Variants in SLC24A2 observed in about 807,000 individuals in gnomAD.
SLC24A2 encodes solute carrier family 24 member 2.
SLC24A2 carries 36 observed loss-of-function variants against 62.0 expected under a neutral mutation model. The ratio of observed to expected loss-of-function variants is 0.58; its 90% confidence interval spans 0.44 to 0.77. The LOEUF (loss-of-function observed/expected upper bound fraction) is 0.77, where lower values mean the gene tolerates loss of function less well. Ranked by LOEUF, SLC24A2 falls within the 30% of genes least tolerant of loss-of-function variation. The pLI, the probability that SLC24A2 is intolerant of heterozygous loss-of-function variation, is 0.00. For synonymous variants in SLC24A2, 358 were observed against 294.0 expected (o/e 1.22, Z -2.23); for missense variants, 846 against 817.9 (o/e 1.03, Z -0.42).
At chr9:19,872,874 T>C in the SLC24A2 span, among the ~76,000 whole-genome samples, 1 of 152,126 alleles carries the variant, frequency 6.6e-6, no homozygotes, top group East Asian at 1.9e-4. Flanking sequence ...AGAATCAAGT[T>C]TCCAGAGCCC....
At chr9:19,989,705 C>T in the SLC24A2 span, among the ~76,000 whole-genome samples, 1 of 152,118 alleles carries the variant, frequency 6.6e-6, no homozygotes, top group African/African-American at 2.4e-5. Flanking sequence ...TGCAAAGGAA[C>T]CTAGACAACT....
intron 2 of SLC24A2, among the ~76,000 whole-genome samples, chr9:19,696,861 A>C (rs1820207741): frequency 6.6e-6 from 1 of 152,194 alleles, no homozygotes; most frequent in Non-Finnish European, 1.5e-5. Context: ...ATTTAAATTT[A>C]ACCGTAATGG....
the SLC24A2 span, among the ~76,000 whole-genome samples, chr9:20,306,977 T>G: frequency 6.6e-6 from 1 of 152,124 alleles, no homozygotes; most frequent in Non-Finnish European, 1.5e-5. Context: ...GGATTACAGA[T>G]CTTAATGTTA....
chr9:20,010,762 C>T, the SLC24A2 span, among the ~76,000 whole-genome samples: 1 of 123,726 alleles, frequency 8.1e-6, no homozygotes, highest in East Asian at 2.9e-4. Context: ...CTCCCCCCTC[C>T]CCCCACCCCA....
chr9:20,036,868 G>C, the SLC24A2 span, among the ~76,000 whole-genome samples: 1 of 150,700 alleles, frequency 6.6e-6, no homozygotes, highest in Non-Finnish European at 1.5e-5. Flanking sequence ...ATATACATAT[G>C]TATATATGTG....
At chr9:19,618,503 C>A (rs574069323) in intron 4 of SLC24A2, among the ~76,000 whole-genome samples, 2 of 152,244 alleles carry the variant, frequency 1.3e-5, no homozygotes, top group East Asian at 3.9e-4. Flanking sequence ...CAAGGAGAGG[C>A]GACCCTGTGT....
the SLC24A2 span, among the ~76,000 whole-genome samples, chr9:20,077,223 T>C: frequency 9.2e-5 from 14 of 152,058 alleles, no homozygotes; most frequent in Admixed American, 1.3e-4. Context: ...AGATCTAATA[T>C]AGAACACACA....
chr9:19,617,374 C>T (rs1390464644), intron 4 of SLC24A2, among the ~76,000 whole-genome samples: 1 of 152,166 alleles, frequency 6.6e-6, no homozygotes, highest in Non-Finnish European at 1.5e-5. Context: ...ACGTCCCACC[C>T]TCCAACTGCC....
At chr9:20,267,615 T>C in the SLC24A2 span, among the ~76,000 whole-genome samples, 42 of 152,340 alleles carry the variant, frequency 2.8e-4, no homozygotes, top group African/African-American at 1.0e-3. Flanking sequence ...TGGGCTCTGA[T>C]AACACTTTTT....
At chr9:20,186,206 T>C in the SLC24A2 span, among the ~76,000 whole-genome samples, 1 of 152,166 alleles carries the variant, frequency 6.6e-6, no homozygotes, top group African/African-American at 2.4e-5. Flanking sequence ...TCTTGAAAAT[T>C]TGATGTCCAC....
intron 9 of SLC24A2, among the ~76,000 whole-genome samples, chr9:19,524,093 TAGAA>T (rs1364247012): frequency 1.1e-5 from 1 of 93,408 alleles, no homozygotes; most frequent in South Asian, 3.2e-4. Flanking sequence ...GAGCTTTTAA[TAGAA>T]AGAACATCAG....
chr9:20,052,522 G>GT, the SLC24A2 span, among the ~76,000 whole-genome samples: 15 of 152,204 alleles, frequency 9.9e-5, no homozygotes, highest in Admixed American at 2.0e-4. Context: ...TTCTGTTCCC[G>GT]TTTTTTCCAT....
chr9:19,521,519 T>C (rs1185359311), intron 9 of SLC24A2, among the ~76,000 whole-genome samples: 1 of 152,208 alleles, frequency 6.6e-6, no homozygotes, highest in African/African-American at 2.4e-5. Flanking sequence ...CTAGTGTCTA[T>C]AATCTATTCT....
At chr9:20,206,881 T>TGG in the SLC24A2 span, among the ~76,000 whole-genome samples, 20,037 of 148,248 alleles carry the variant, frequency 0.14, 2,421 homozygotes, top group East Asian at 0.59. Context: ...AAAACTAAGT[T>TGG]GGGGGGGGCG....
chr9:20,133,079 T>G, the SLC24A2 span, among the ~76,000 whole-genome samples: 1 of 152,108 alleles, frequency 6.6e-6, no homozygotes, highest in Non-Finnish European at 1.5e-5. Context: ...GAGAGATTAT[T>G]CTGGGTGAGC....
At chr9:20,088,459 T>C in the SLC24A2 span, among the ~76,000 whole-genome samples, 8 of 152,154 alleles carry the variant, frequency 5.3e-5, no homozygotes, top group African/African-American at 1.7e-4. Flanking sequence ...TTTATGTGTG[T>C]CCCAGATCCT....
the SLC24A2 span, among the ~76,000 whole-genome samples, chr9:20,053,578 G>A: frequency 0.26 from 40,024 of 151,992 alleles, 5,633 homozygotes; most frequent in Middle Eastern, 0.36. Context: ...GATGGTATTT[G>A]GAGGTGGAGT....
the SLC24A2 span, among the ~76,000 whole-genome samples, chr9:20,042,909 T>A: frequency 6.6e-6 from 1 of 152,244 alleles, no homozygotes; most frequent in African/African-American, 2.4e-5. Flanking sequence ...CCATGTAAGA[T>A]GGAAAACTTA....
At chr9:19,696,482 A>G (rs1047274899) in intron 2 of SLC24A2, among the ~76,000 whole-genome samples, 2 of 152,176 alleles carry the variant, frequency 1.3e-5, no homozygotes, top group East Asian at 1.9e-4. Flanking sequence ...TGTGTTTGGT[A>G]TCCCTGAGTC....
Sources: gnomAD v4.1 joint callset for allele counts (sites outside exome capture counted in the v4.1 genomes callset) on GRCh38, gnomAD v4.1.1 for gene constraint, MANE v1.5 for transcripts, NCBI Gene and HGNC (gene_info 2026-07-23, HGNC 2026-07-21) for gene names.